The following GC variants were observed in gnomAD, a reference collection of about 807,000 sequenced individuals.
GC encodes the protein vitamin D-binding protein.
A neutral mutation model predicts 56.7 loss-of-function variants in GC; 43 were observed. The ratio of observed to expected loss-of-function variants is 0.76; its 90% CI spans 0.59 to 0.98. The LOEUF (loss-of-function observed/expected upper bound fraction) is 0.98, where lower values mean the gene tolerates loss of function less well. Among genes scored for constraint, GC ranks in the 50% least tolerant of loss-of-function variants. The probability of loss-of-function intolerance (pLI) is 0.00; values close to 1 mark genes in which losing one functional copy is unlikely to be tolerated. For synonymous variants in GC, 216 were observed against 202.7 expected, an observed-to-expected ratio of 1.07 and a Z score of -0.56; for missense variants, 529 against 545.9, an observed-to-expected ratio of 0.97 and a Z score of 0.31.
upstream of GC, among the ~76,000 whole-genome samples, chr4:71,784,853 T>C (rs949541794): frequency 1.3e-5 from 2 of 151,808 alleles, no homozygotes; most frequent in South Asian, 2.1e-4. Context: ...ATTTGAGAGC[T>C]CAGAGAGGCC....
At chr4:71,765,851 C>G (rs933341073) in intron 3 of GC, among the ~76,000 whole-genome samples, 2 of 152,140 alleles carry the variant, frequency 1.3e-5, no homozygotes, top group Non-Finnish European at 2.9e-5. Context: ...TAGTAAATGA[C>G]TCCTCAGAGT....
chr4:71,745,926 A>G (rs917621673), intron 12 of GC, among the ~76,000 whole-genome samples: 1 of 151,970 alleles, frequency 6.6e-6, no homozygotes, highest in Non-Finnish European at 1.5e-5. Flanking sequence ...AGCACAAGGC[A>G]GGGGACCAGT....
chr4:71,787,239 T>G (rs919025330), upstream of GC, among the ~76,000 whole-genome samples: 1 of 151,890 alleles, frequency 6.6e-6, no homozygotes, highest in East Asian at 1.9e-4. Flanking sequence ...GGCCAATGCC[T>G]GTGCTTAAAG....
chr4:71,803,972 T>A (rs1217282392), exon 1 of GC: 2 of 1,435,298 alleles, frequency 1.4e-6, no homozygotes, highest in South Asian at 2.4e-5. Context: ...CTAGTCCAGA[T>A]CATCACCAGT....
At chr4:71,787,798 G>A (rs972340851), upstream of GC, among the ~76,000 whole-genome samples, 3 of 151,844 alleles carry the variant, frequency 2.0e-5, no homozygotes, top group Admixed American at 6.6e-5. Context: ...GGAAGAGTGA[G>A]AAATTATGCC....
At chr4:71,804,856 G>A (rs528461846), upstream of GC, among the ~76,000 whole-genome samples, 41 of 150,608 alleles carry the variant, frequency 2.7e-4, no homozygotes, top group East Asian at 4.7e-3. Context: ...TGGGGGAGGG[G>A]GGTCAGGAAA....
In GC at chr4:71,765,564, T is replaced by C; in HGVS notation, c.341A>G (p.Lys114Arg). Residue 114 changes from lysine to arginine, a missense_variant, in exon 4 of 13, where the codon AAA becomes AGA. Transcript: ENST00000273951. ...GCAGAGCTTTCGTTCCAGGCCCTCTTTGGTGCAGCACTCAGCAGTGCCTGG... is the reference window on the plus strand; with the variant it reads ...GCAGAGCTTTCGTTCCAGGCCCTCTCTGGTGCAGCACTCAGCAGTGCCTGG... The part of the protein sequence containing the change: ...VHPGTAECCT[K>R]EGLERKLCMA... 6.2e-7 allele frequency: 1 copy of C among 1,613,626 alleles called. No homozygotes were observed. The highest frequency in any genetic ancestry group is 8.5e-7 in the Non-Finnish European group (1 of 1,179,698).
chr4:71,801,606 C>T (rs980735584), intron 1 of GC, among the ~76,000 whole-genome samples: 2 of 152,068 alleles, frequency 1.3e-5, no homozygotes, highest in Non-Finnish European at 2.9e-5. Flanking sequence ...AAACAGGGAC[C>T]TCCTTAACGG....
rs762519132 is a variant in GC at position 71,754,961 on chromosome 4, A to C, written c.1164+17T>G. 1 of 1,540,654 alleles carries C rather than the reference A, an allele frequency of 6.5e-7. No homozygotes were observed. Among genetic ancestry groups the C allele is most frequent in the African/African-American group, 1.4e-5 (1 of 70,868 alleles). ...CCTTGATCTATGTGCTTGATAAAGAAAATCCAACAAATATACCTTAGCATT... is the reference window on the plus strand; with the variant it reads ...CCTTGATCTATGTGCTTGATAAAGACAATCCAACAAATATACCTTAGCATT... On this transcript the variant is annotated intron_variant, in intron 9 of 12. Coordinates refer to ENST00000273951, the MANE Select transcript of GC (RefSeq NM_000583.4).
At chr4:71,745,552 T>G (rs1351782254) in intron 12 of GC, among the ~76,000 whole-genome samples, 1 of 152,180 alleles carries the variant, frequency 6.6e-6, no homozygotes, top group Non-Finnish European at 1.5e-5. Context: ...TTCTTTAGCA[T>G]AAATACAATT....
upstream of GC, among the ~76,000 whole-genome samples, chr4:71,804,869 CCT>C (rs1211404362): frequency 1.3e-5 from 2 of 150,112 alleles, no homozygotes; most frequent in Non-Finnish European, 3.0e-5. Flanking sequence ...TCAGGAAAAA[CCT>C]CTGTTTCCTT....
At chr4:71,744,956 G>A (rs1215176234) in intron 12 of GC, among the ~76,000 whole-genome samples, 5 of 152,134 alleles carry the variant, frequency 3.3e-5, no homozygotes, top group African/African-American at 4.8e-5. Flanking sequence ...TTACTTTATC[G>A]TTGGGACATG....
In GC at chr4:71,802,110, A is replaced by G. The variant is rs939687684; in HGVS notation, c.21+1816T>C. The stretch of plus-strand genomic sequence containing the variant: ...TTTGTTTGGACAGTAGATTTTATTC[A>G]TCTTGCTTCTGAACATCAGATATAA... On this transcript the variant is annotated intron_variant, in intron 1 of 13. Coordinates refer to the GC transcript ENST00000504199. Among the ~76,000 whole-genome samples, 8 of 152,164 alleles carry G rather than the reference A, an allele frequency of 5.3e-5. 1 individual carries two copies. The highest frequency in any genetic ancestry group is 2.6e-4 in the Admixed American group (4 of 15,274).
intron 1 of GC, among the ~76,000 whole-genome samples, chr4:71,777,137 T>G (rs112765423): frequency 6.6e-6 from 1 of 151,836 alleles, no homozygotes; most frequent in African/African-American, 2.4e-5. Context: ...TTTATGGTGC[T>G]TGTCTGCTAT....
rs192333170 is a variant in GC, at chr4:71,775,647, G to T, written c.59-6247C>A. ...TTACAGGCAACAAAAGCAAAAAATAGACAAATGGGATTGCATCATACTAAA... is the reference window on the plus strand; with the variant it reads ...TTACAGGCAACAAAAGCAAAAAATATACAAATGGGATTGCATCATACTAAA... On this transcript the variant is annotated intron_variant, in intron 1 of 12. Coordinates refer to ENST00000273951, the MANE Select transcript of GC (RefSeq NM_000583.4). Among the ~76,000 whole-genome samples the T allele has an allele frequency of 1.1e-4, 16 of 151,978 alleles. No individual in the cohort carries two copies. The East Asian group carries it at 2.9e-3, about 28-fold the overall frequency.
intron 8 of GC, 129 bp from the exon 9 acceptor site, chr4:71,755,236 C>T (rs1419577532): frequency 3.4e-5 from 9 of 264,552 alleles, no homozygotes; most frequent in African/African-American, 1.1e-4. Flanking sequence ...CATCTTGGCT[C>T]GCTGTAACCT....
chr4:71,768,538 A>C, intron 2 of GC, 105 bp from the exon 3 acceptor site: 38 of 886,304 alleles, frequency 4.3e-5, no homozygotes, highest in Middle Eastern at 3.1e-4. Flanking sequence ...GTGTGATCTC[A>C]GCTCACTGCA....
At position 71,756,845 on chromosome 4, in the gene GC, G is replaced by A. The variant is rs78967618; in HGVS notation, c.901C>T (p.Gln301Ter). Residue 301 changes from glutamine to a stop codon, truncating the protein, a stop_gained, in exon 8 of 13, where the codon CAA becomes TAA. Coordinates refer to ENST00000273951, the MANE Select transcript of GC (RefSeq NM_000583.4). LOFTEE classifies it high-confidence loss of function. ...AAAACGTCCATGGCTGTTTTTTCTT[G>A]ACAACAGTCTTCAAACTTAGAATTC... ...TKNSKFEDCC[Q>*]EKTAMDVFVC... 6 of 1,613,126 alleles carry A rather than the reference G, an allele frequency of 3.7e-6. No individual in the cohort carries two copies. In the South Asian group the frequency reaches 5.5e-5, roughly 15 times the overall value.
At chr4:71,804,471 T>C (rs1041890589), upstream of GC, among the ~76,000 whole-genome samples, 20 of 152,262 alleles carry the variant, frequency 1.3e-4, no homozygotes, top group African/African-American at 2.2e-4. Context: ...CCCTGGAGCA[T>C]TGCAGCCTTT....
Sources: gnomAD v4.1 joint callset for allele counts (sites outside exome capture counted in the v4.1 genomes callset) on GRCh38, gnomAD v4.1.1 for gene constraint, MANE v1.5 for transcripts, NCBI Gene and HGNC (gene_info 2026-07-23, HGNC 2026-07-21) for gene names.